Variants in ARK2C observed in about 807,000 individuals in gnomAD.
The protein encoded by ARK2C is arkadia (RNF111) C-terminal like ring finger ubiquitin ligase 2C, also known as E3 ubiquitin-protein ligase ARK2C.
chr18:46,437,588 T>C, the ARK2C span, among the ~76,000 whole-genome samples: 8 of 152,000 alleles, frequency 5.3e-5, no homozygotes, highest in African/African-American at 1.9e-4. Context: ...CCTGGCCTTT[T>C]TTCCTACTTT....
At chr18:46,437,225 C>G in the ARK2C span, among the ~76,000 whole-genome samples, 15 of 150,610 alleles carry the variant, frequency 1.0e-4, no homozygotes, top group African/African-American at 3.6e-4. Flanking sequence ...TTTGTTCCCA[C>G]TTCCCAAGTA....
At chr18:46,349,416 C>T in the ARK2C span, among the ~76,000 whole-genome samples, 6 of 152,224 alleles carry the variant, frequency 3.9e-5, no homozygotes, top group Non-Finnish European at 1.5e-5. Context: ...GAGCGCTTCA[C>T]TCTTGGAATC....
At chr18:46,433,758 C>T in the ARK2C span, among the ~76,000 whole-genome samples, 1 of 152,228 alleles carries the variant, frequency 6.6e-6, no homozygotes, top group Non-Finnish European at 1.5e-5. Flanking sequence ...CTGACAGGGG[C>T]TCCCTCAGAA....
At chr18:46,396,640 T>C in the ARK2C span, among the ~76,000 whole-genome samples, 2 of 152,218 alleles carry the variant, frequency 1.3e-5, no homozygotes, top group Admixed American at 1.3e-4. Context: ...TCAGCCCTAT[T>C]GAATCCAAGG....
the ARK2C span, among the ~76,000 whole-genome samples, chr18:46,368,775 T>C: frequency 2.6e-5 from 4 of 152,240 alleles, no homozygotes; most frequent in African/African-American, 4.8e-5. Context: ...TGCCATTCAC[T>C]TGCTGTGGGA....
the ARK2C span, among the ~76,000 whole-genome samples, chr18:46,429,162 T>C: frequency 1.3e-5 from 2 of 152,248 alleles, no homozygotes; most frequent in African/African-American, 2.4e-5. Context: ...GAAATCCTTG[T>C]GGGAATTAAA....
chr18:46,392,445 A>G, the ARK2C span, among the ~76,000 whole-genome samples: 5 of 152,212 alleles, frequency 3.3e-5, no homozygotes, highest in Non-Finnish European at 7.3e-5. Context: ...CTTGCTGACC[A>G]CATTTGGCGG....
chr18:46,430,974 ATGG>A, the ARK2C span, among the ~76,000 whole-genome samples: 1 of 152,158 alleles, frequency 6.6e-6, no homozygotes, highest in Non-Finnish European at 1.5e-5. Context: ...TACACGTGCC[ATGG>A]TGGTTTGCTG....
the ARK2C span, among the ~76,000 whole-genome samples, chr18:46,449,116 T>G: frequency 2.0e-5 from 3 of 152,106 alleles, no homozygotes; most frequent in Non-Finnish European, 4.4e-5. Context: ...TCTCAAAAAC[T>G]CCCACAAAAG....
At chr18:46,351,980 G>A in the ARK2C span, among the ~76,000 whole-genome samples, 1 of 152,170 alleles carries the variant, frequency 6.6e-6, no homozygotes, top group Non-Finnish European at 1.5e-5. Flanking sequence ...ATATTTCCTG[G>A]GAGCCTCTGG....
chr18:46,336,171 G>C, the ARK2C span: 4 of 985,274 alleles, frequency 4.1e-6, no homozygotes, highest in Admixed American at 1.2e-4. Context: ...TAAAACGGGT[G>C]TGGAACATTA....
At chr18:46,445,123 A>G in the ARK2C span, among the ~76,000 whole-genome samples, 1 of 152,128 alleles carries the variant, frequency 6.6e-6, no homozygotes, top group East Asian at 1.9e-4. Flanking sequence ...AACATCATTT[A>G]TGAATAATTG....
chr18:46,357,985 A>G, the ARK2C span, among the ~76,000 whole-genome samples: 1 of 152,158 alleles, frequency 6.6e-6, no homozygotes, highest in Non-Finnish European at 1.5e-5. Context: ...CTGTTGTCAC[A>G]GTGTCTCAGT....
the ARK2C span, among the ~76,000 whole-genome samples, chr18:46,338,837 A>G: frequency 6.6e-6 from 1 of 152,172 alleles, no homozygotes; most frequent in Admixed American, 6.5e-5. Flanking sequence ...CTTTTGGCCG[A>G]TGTGCCTTGT....
At chr18:46,411,925 G>A in the ARK2C span, among the ~76,000 whole-genome samples, 3 of 152,218 alleles carry the variant, frequency 2.0e-5, no homozygotes, top group African/African-American at 7.2e-5. Flanking sequence ...GGGCACCATG[G>A]AGCCCAGCTC....
chr18:46,340,914 G>A, the ARK2C span, among the ~76,000 whole-genome samples: 1 of 152,222 alleles, frequency 6.6e-6, no homozygotes, highest in Admixed American at 6.5e-5. Context: ...ATACAGGAGG[G>A]AGGAGGAGGA....
At chr18:46,417,907 G>A in the ARK2C span, among the ~76,000 whole-genome samples, 1 of 152,056 alleles carries the variant, frequency 6.6e-6, no homozygotes, top group Non-Finnish European at 1.5e-5. Flanking sequence ...GGGAGGCTGA[G>A]GTGGGAGAAT....
the ARK2C span, chr18:46,450,727 G>A: frequency 6.2e-7 from 1 of 1,614,004 alleles, no homozygotes. Flanking sequence ...TCGAGGACAG[G>A]TTGGGTAATG....
chr18:46,450,379 C>A, the ARK2C span: 1 of 1,612,750 alleles, frequency 6.2e-7, no homozygotes. Context: ...GACACACCTC[C>A]GCCGTACGGG....
Sources: gnomAD v4.1 joint callset for allele counts (sites outside exome capture counted in the v4.1 genomes callset) on GRCh38, gnomAD v4.1.1 for gene constraint, MANE v1.5 for transcripts, NCBI Gene and HGNC (gene_info 2026-07-23, HGNC 2026-07-21) for gene names.